Variants in FBN1 observed in about 807,000 individuals in gnomAD.
FBN1 encodes the protein fibrillin 1.
Under a neutral mutation model 365.1 loss-of-function variants are expected in FBN1, and 29 were observed. The observed-to-expected ratio is 0.08, with a 90% CI of 0.06 to 0.11. The LOEUF is 0.11. Ranked by LOEUF, FBN1 falls within the 10% of genes least tolerant of loss-of-function variation. The pLI, the probability that FBN1 is intolerant of heterozygous loss-of-function variation, is 1.00. For synonymous variants in FBN1, 1,210 were observed against 1,270.5 expected (o/e 0.95, Z 1.01); for missense variants, 2,476 against 3,703.2 (o/e 0.67, Z 8.60).
At position 48,436,934 on chromosome 15, in the gene FBN1, T is replaced by C. The variant is rs763617452; in HGVS notation, c.6496+27A>G. On this transcript the variant is annotated intron_variant, in intron 53 of 65. Coordinates refer to ENST00000316623, the MANE Select transcript of FBN1 (RefSeq NM_000138.5). Reference sequence around the variant, plus strand: ...TAGCTTAATTTTTAATTTGTAAAGTTCCTATGGAAGAAAACTTATTACTCA... The same window carrying C: ...TAGCTTAATTTTTAATTTGTAAAGTCCCTATGGAAGAAAACTTATTACTCA... The C allele has an allele frequency of 4.4e-6, 6 of 1,354,092 alleles. No homozygotes were observed. In the South Asian group the frequency reaches 7.0e-5, roughly 16 times the overall value. 83.9% of individuals were successfully genotyped at this position (1,354,092 alleles called of 1,614,324 possible).
chr15:48,644,296 T>G (rs901623353), intron 2 of FBN1: 3 of 407,730 alleles, frequency 7.4e-6, no homozygotes, highest in African/African-American at 4.0e-5. Context: ...AGGAACGGGC[T>G]TCTCCTCTTA....
intron 63 of FBN1, among the ~76,000 whole-genome samples, chr15:48,419,694 A>C (rs2042925527): frequency 6.6e-6 from 1 of 152,184 alleles, no homozygotes; most frequent in African/African-American, 2.4e-5. Context: ...AAACACACCA[A>C]ATATGTCTTC....
At chr15:48,594,337 C>T (rs2044501544) in intron 6 of FBN1, among the ~76,000 whole-genome samples, 1 of 152,186 alleles carries the variant, frequency 6.6e-6, no homozygotes, top group South Asian at 2.1e-4. Flanking sequence ...GCAAGCCTGC[C>T]TTCTGCTCTC....
chr15:48,503,751 C>A, intron 17 of FBN1, 36 bp downstream of exon 17: 1 of 1,612,624 alleles, frequency 6.2e-7, no homozygotes, highest in Non-Finnish European at 8.5e-7. Context: ...TGGCAGAAGG[C>A]TGGCAGTACG....
At position 48,421,955 on chromosome 15, in the gene FBN1, T is replaced by G. The variant is rs199524640; in HGVS notation, c.7567A>C (p.Ile2523Leu). The change falls in exon 61 of 66, where the codon ATT becomes CTT. Residue 2523 changes from isoleucine to leucine, a missense_variant. Physicochemically the swap from Ile to Leu is conservative, Grantham distance 5 (BLOSUM62 2). Transcript: ENST00000316623. ...GATTTTTTCCTCTCCTACTCACCAATGCAGGACGTATGGTGTTGGGTAAAT... is the reference window on the plus strand; with the variant it reads ...GATTTTTTCCTCTCCTACTCACCAAGGCAGGACGTATGGTGTTGGGTAAAT... The part of the protein sequence containing the change: ...PGFTQHHTSC[I>L]DNNECTSDIN... The G allele has an allele frequency of 3.7e-6, 6 of 1,605,140 alleles. No homozygotes were observed. In the East Asian group the frequency reaches 1.3e-4, roughly 36 times the overall value.
intron 50 of FBN1, among the ~76,000 whole-genome samples, chr15:48,441,429 G>A (rs1185194361): frequency 6.6e-6 from 1 of 151,994 alleles, no homozygotes; most frequent in Non-Finnish European, 1.5e-5. Flanking sequence ...TTGCTGTTTC[G>A]GTGGCTCAAG....
At chr15:48,520,960 C>G (rs563850441) in intron 9 of FBN1, 143 bp from the exon 10 acceptor site, 3 of 1,110,014 alleles carry the variant, frequency 2.7e-6, no homozygotes, top group South Asian at 1.4e-5. Context: ...AGGGAAGCTG[C>G]GAGCGCTGCA....
intron 43 of FBN1, among the ~76,000 whole-genome samples, chr15:48,459,992 T>C (rs2043268685): frequency 6.6e-6 from 1 of 152,242 alleles, no homozygotes; most frequent in African/African-American, 2.4e-5. Flanking sequence ...AAGGTTGGTG[T>C]AACTATGCTT....
intron 6 of FBN1, among the ~76,000 whole-genome samples, chr15:48,571,826 G>A (rs2140672613): frequency 6.6e-6 from 1 of 151,978 alleles, no homozygotes; most frequent in African/African-American, 2.4e-5. Context: ...CGAAATAACA[G>A]AAAAAAATTA....
chr15:48,631,869 C>T (rs1889995395), intron 2 of FBN1, among the ~76,000 whole-genome samples: 1 of 152,220 alleles, frequency 6.6e-6, no homozygotes, highest in Non-Finnish European at 1.5e-5. Flanking sequence ...GGTATCTCTG[C>T]ACTGCTGCCA....
chr15:48,480,010 C>T (rs1264920290), intron 32 of FBN1, among the ~76,000 whole-genome samples: 3 of 152,174 alleles, frequency 2.0e-5, no homozygotes, highest in African/African-American at 7.2e-5. Context: ...ACTGCGCCAA[C>T]AGCATTGTAT....
intron 30 of FBN1, among the ~76,000 whole-genome samples, chr15:48,484,947 G>A (rs1262213043): frequency 6.6e-6 from 1 of 152,138 alleles, no homozygotes; most frequent in Non-Finnish European, 1.5e-5. Flanking sequence ...ACAAATTCCT[G>A]GGATCTACCT....
intron 5 of FBN1, among the ~76,000 whole-genome samples, chr15:48,597,477 G>A (rs1302960287): frequency 6.6e-6 from 1 of 152,184 alleles, no homozygotes; most frequent in Non-Finnish European, 1.5e-5. Flanking sequence ...ACTACAGGCT[G>A]AAGTTCCTTC....
intron 4 of FBN1, among the ~76,000 whole-genome samples, chr15:48,607,775 C>T (rs540909770): frequency 1.4e-4 from 22 of 152,248 alleles, no homozygotes; most frequent in South Asian, 2.1e-4. Context: ...TTATTAATCC[C>T]AGTGTTACAA....
chr15:48,572,922 G>A (rs759169270), intron 6 of FBN1, among the ~76,000 whole-genome samples: 4 of 152,062 alleles, frequency 2.6e-5, no homozygotes, highest in Non-Finnish European at 5.9e-5. Flanking sequence ...AAAAACAAGA[G>A]GCGAAGGGCT....
chr15:48,604,576 C>T (rs2044592133), intron 4 of FBN1, among the ~76,000 whole-genome samples: 1 of 152,148 alleles, frequency 6.6e-6, no homozygotes, highest in Non-Finnish European at 1.5e-5. Flanking sequence ...TCTAGCCAAG[C>T]TGGAAAAGCT....
At chr15:48,599,025 T>C (rs1462726860) in intron 5 of FBN1, among the ~76,000 whole-genome samples, 1 of 152,196 alleles carries the variant, frequency 6.6e-6, no homozygotes, top group African/African-American at 2.4e-5. Context: ...GCTCCCTGCC[T>C]TCCACCATGA....
At chr15:48,453,694 C>T (rs1165258567) in intron 44 of FBN1, among the ~76,000 whole-genome samples, 3 of 152,198 alleles carry the variant, frequency 2.0e-5, no homozygotes, top group Middle Eastern at 3.4e-3. Context: ...TCAATTGTAA[C>T]AAATGCACCA....
chr15:48,467,932 A>G lies in FBN1; in HGVS notation c.4747+6T>C. On this transcript the variant is annotated splice_donor_region_variant and intron_variant, in intron 38 of 65. Coordinates refer to ENST00000316623, the MANE Select transcript of FBN1 (RefSeq NM_000138.5). ...AATAATAATAAATAGGAGGATGTCC[A>G]CTTACATGTGTTCACAGCAGGACAC... 6.2e-7 allele frequency: 1 copy of G among 1,611,884 alleles called. No homozygotes were observed. Among genetic ancestry groups the G allele is most frequent in the Non-Finnish European group, 8.5e-7 (1 of 1,177,944 alleles).
Sources: gnomAD v4.1 joint callset for allele counts (sites outside exome capture counted in the v4.1 genomes callset) on GRCh38, gnomAD v4.1.1 for gene constraint, MANE v1.5 for transcripts, NCBI Gene and HGNC (gene_info 2026-07-23, HGNC 2026-07-21) for gene names.